STXBP4: variants seen among roughly 807,000 people sequenced by gnomAD.
STXBP4 encodes the protein syntaxin-binding protein 4.
Under a neutral mutation model 76.1 loss-of-function variants are expected in STXBP4, and 55 were observed. The observed-to-expected ratio is 0.72, with a 90% confidence interval of 0.58 to 0.91. The LOEUF (loss-of-function observed/expected upper bound fraction) is 0.91, where lower values mean the gene tolerates loss of function less well. Ranked by LOEUF, STXBP4 falls within the 40% of genes least tolerant of loss-of-function variation. The pLI is 0.00. For missense variants in STXBP4, 618 were observed against 636.9 expected (o/e 0.97, Z 0.32); for synonymous variants, 201 against 220.2 (o/e 0.91, Z 0.77).
At chr17:55,205,950 C>G in the STXBP4 span, among the ~76,000 whole-genome samples, 3 of 151,436 alleles carry the variant, frequency 2.0e-5, no homozygotes, top group Admixed American at 2.0e-4. Context: ...TTGGAAATTA[C>G]CTAAATGTCC....
In STXBP4 at chr17:55,078,636, TAAA is replaced by T. The variant is rs1337979935; in HGVS notation, c.1306-47_1306-45del. 6 of 1,178,932 alleles carry T rather than the reference TAAA, an allele frequency of 5.1e-6. No individual in the cohort carries two copies. In the African/African-American group the frequency reaches 7.7e-5, roughly 15 times the overall value. 73.0% of individuals were successfully genotyped at this position (1,178,932 alleles called of 1,614,324 possible). A position where few individuals can be genotyped will look rare whatever the true frequency, so the allele number is the denominator to read the frequency against. On this transcript the variant is annotated intron_variant, in intron 14 of 17. Coordinates refer to ENST00000376352, the MANE Select transcript of STXBP4 (RefSeq NM_178509.6). ...ATATTAATGAAGAAAAGATATTTTT[TAAA>T]AACTGTCAAACTGATATATCTCCTT...
intron 8 of STXBP4, among the ~76,000 whole-genome samples, chr17:55,017,549 G>GT (rs2078230310): frequency 1.3e-5 from 2 of 152,222 alleles, no homozygotes; most frequent in Non-Finnish European, 2.9e-5. Flanking sequence ...TCAGAGGTAA[G>GT]AAGAATTTGG....
intron 16 of STXBP4, among the ~76,000 whole-genome samples, chr17:55,098,227 C>T (rs186423143): frequency 1.3e-5 from 2 of 152,238 alleles, no homozygotes; most frequent in Admixed American, 6.5e-5. Flanking sequence ...CCCTGGAAAG[C>T]AATTGCAAAG....
At chr17:55,124,582 CT>C (rs2079885299) in intron 16 of STXBP4, among the ~76,000 whole-genome samples, 1 of 152,158 alleles carries the variant, frequency 6.6e-6, no homozygotes, top group African/African-American at 2.4e-5. Context: ...AGTTCAACCT[CT>C]TTTAGAGAAG....
intron 8 of STXBP4, among the ~76,000 whole-genome samples, chr17:55,017,838 A>G (rs765401195): frequency 1.4e-4 from 22 of 152,124 alleles, no homozygotes; most frequent in Admixed American, 6.5e-5. Flanking sequence ...ACAGCCTCAC[A>G]CCTGAGTCTT....
intron 1 of STXBP4, among the ~76,000 whole-genome samples, chr17:54,982,849 T>G (rs1319309563): frequency 6.6e-6 from 1 of 152,168 alleles, no homozygotes; most frequent in Admixed American, 6.5e-5. Context: ...AGATAACACA[T>G]TACCACTCCT....
At chr17:55,056,243 A>C (rs748642720) in intron 12 of STXBP4, among the ~76,000 whole-genome samples, 1 of 152,182 alleles carries the variant, frequency 6.6e-6, no homozygotes, top group African/African-American at 2.4e-5. Flanking sequence ...AGCATGCAGT[A>C]ATATTTTTAA....
intron 7 of STXBP4, among the ~76,000 whole-genome samples, chr17:55,006,316 G>T (rs2078007107): frequency 6.6e-6 from 1 of 152,106 alleles, no homozygotes; most frequent in South Asian, 2.1e-4. Flanking sequence ...GTTCTTAAGA[G>T]AATGCAAATC....
At chr17:55,201,140 C>T in the STXBP4 span, among the ~76,000 whole-genome samples, 1 of 152,140 alleles carries the variant, frequency 6.6e-6, no homozygotes, top group Non-Finnish European at 1.5e-5. Flanking sequence ...ACTCTGCAGC[C>T]CAGATGTTTC....
At chr17:55,188,425 T>C in the STXBP4 span, among the ~76,000 whole-genome samples, 1 of 152,178 alleles carries the variant, frequency 6.6e-6, no homozygotes, top group African/African-American at 2.4e-5. Flanking sequence ...AGAGTCCCCA[T>C]TGTAATTCTG....
At chr17:55,185,189 TTTC>T in the STXBP4 span, among the ~76,000 whole-genome samples, 1,145 of 87,718 alleles carry the variant, frequency 0.013, 104 homozygotes, top group East Asian at 0.031. Context: ...TCTTCTTCTT[TTTC>T]TTCTTCTTCT....
At chr17:54,979,701 C>T (rs1347520962) in intron 1 of STXBP4, among the ~76,000 whole-genome samples, 1 of 152,156 alleles carries the variant, frequency 6.6e-6, no homozygotes, top group Admixed American at 6.5e-5. Context: ...TGACAAAGCA[C>T]TTTTCTTATG....
intron 12 of STXBP4, among the ~76,000 whole-genome samples, chr17:55,053,629 AG>A (rs2078888981): frequency 6.6e-6 from 1 of 152,102 alleles, no homozygotes; most frequent in Non-Finnish European, 1.5e-5. Context: ...TCCAAAGTCA[AG>A]TTTTTTTAAA....
At chr17:55,070,782 T>C (rs2079110307) in intron 12 of STXBP4, among the ~76,000 whole-genome samples, 1 of 152,118 alleles carries the variant, frequency 6.6e-6, no homozygotes, top group African/African-American at 2.4e-5. Flanking sequence ...CTAGTATTGT[T>C]TCACAGTGTG....
Position 54,999,689 on chromosome 17 carries a change from A to G in STXBP4, c.345A>G (p.Pro115=). Reference sequence around the variant, plus strand: ...GACAAAAATCCGACAACATTCAGCCAGAAAATCTGTCATGTACATCACTTA... The same window carrying G: ...GACAAAAATCCGACAACATTCAGCCGGAAAATCTGTCATGTACATCACTTA... ...FIRQKSDNIQ[P]ENLSCTSLIE... The change falls in exon 6 of 18, where the codon CCA becomes CCG. Residue 115 remains proline, a synonymous_variant. Transcript: ENST00000376352. 1.9e-6 allele frequency: 3 copies of G among 1,613,806 alleles called. No individual in the cohort carries two copies. The highest frequency in any genetic ancestry group is 2.5e-6 in the Non-Finnish European group (3 of 1,179,840).
chr17:55,179,260 TATATG>T, the STXBP4 span, among the ~76,000 whole-genome samples: 3 of 152,078 alleles, frequency 2.0e-5, no homozygotes, highest in Non-Finnish European at 2.9e-5. Context: ...AAAGTGGAAA[TATATG>T]ATAGCAATTC....
chr17:55,027,289 A>G (rs2078433355), intron 8 of STXBP4, among the ~76,000 whole-genome samples: 1 of 152,152 alleles, frequency 6.6e-6, no homozygotes, highest in African/African-American at 2.4e-5. Flanking sequence ...GTAGCTTAAC[A>G]CAAGGGACAG....
rs578044569 is a variant in STXBP4 at position 55,032,842 on chromosome 17, G to A, written c.764-1326G>A. Among the ~76,000 whole-genome samples, 44 of 152,230 alleles carry A rather than the reference G, an allele frequency of 2.9e-4. 1 individual carries two copies. Among genetic ancestry groups the A allele is most frequent in the Middle Eastern group, 6.8e-3 (2 of 294 alleles). ...GTATTCTCTCTGAAGAAGCTGAACA[G>A]AAATGTCAGCTGGCCACCAGATTGC... On this transcript the variant is annotated intron_variant, in intron 9 of 17. Transcript: ENST00000376352.
At chr17:55,088,093 G>A (rs1455737832) in intron 16 of STXBP4, among the ~76,000 whole-genome samples, 1 of 152,142 alleles carries the variant, frequency 6.6e-6, no homozygotes. Context: ...TTATAAATTT[G>A]TATGACATAG....
Sources: allele counts gnomAD v4.1 joint callset (sites outside exome capture counted in the v4.1 genomes callset), GRCh38; gene constraint gnomAD v4.1.1; transcripts MANE v1.5; gene names NCBI Gene and HGNC (gene_info 2026-07-23, HGNC 2026-07-21).